SLC25A21: variants seen among roughly 807,000 people sequenced by gnomAD.
SLC25A21 encodes solute carrier family 25 member 21, also known as mitochondrial 2-oxodicarboxylate carrier.
Under a neutral mutation model 43.8 loss-of-function variants are expected in SLC25A21, and 47 were observed. The ratio of observed to expected loss-of-function variants is 1.07; its 90% CI spans 0.85 to 1.37. The LOEUF is 1.37. Ranked by LOEUF, SLC25A21 falls within the 40% of genes most tolerant of loss-of-function variation. The probability of loss-of-function intolerance (pLI) is 0.00; values close to 1 mark genes in which losing one functional copy is unlikely to be tolerated. For missense variants in SLC25A21, 352 were observed against 350.2 expected (o/e 1.00, Z -0.04); for synonymous variants, 131 against 121.3 (o/e 1.08, Z -0.52).
intron 1 of SLC25A21, among the ~76,000 whole-genome samples, chr14:37,066,246 T>A (rs1401204623): frequency 6.6e-6 from 1 of 152,142 alleles, no homozygotes; most frequent in Non-Finnish European, 1.5e-5. Flanking sequence ...AAACCCCCTA[T>A]TAGGAATATT....
chr14:36,871,063 CAG>C (rs1421760859), intron 2 of SLC25A21: 2 of 152,296 alleles, frequency 1.3e-5, no homozygotes, highest in Admixed American at 1.3e-4. Flanking sequence ...CGTGTTCAAA[CAG>C]AGCTTCTTTC....
intron 1 of SLC25A21, among the ~76,000 whole-genome samples, chr14:37,095,644 G>C (rs1594790295): frequency 6.6e-6 from 1 of 152,074 alleles, no homozygotes; most frequent in African/African-American, 2.4e-5. Flanking sequence ...CCAGCACTTT[G>C]GGAGGCTGAA....
At chr14:36,720,356 T>C (rs1173930958) in intron 6 of SLC25A21, among the ~76,000 whole-genome samples, 3 of 152,156 alleles carry the variant, frequency 2.0e-5, no homozygotes, top group Non-Finnish European at 4.4e-5. Context: ...GCTGAAGAAA[T>C]AGGAAAACCC....
rs148203244 is a variant in SLC25A21, at chr14:36,898,118, C to T, written c.71-23114G>A. On this transcript the variant is annotated intron_variant, in intron 1 of 9. Transcript: ENST00000331299. ...TTCTGCTGCATTTTGTTTCACTATG[C>T]CCTGCCCCTAGAGGTGGAGTCTACA... 1.5e-3 allele frequency among the ~76,000 whole-genome samples: 228 copies of T among 152,278 alleles called. 8 individuals are homozygous for T. The East Asian group carries it at 0.042, about 28-fold the overall frequency.
chr14:36,686,578 AAT>A (rs1882555913), intron 7 of SLC25A21, among the ~76,000 whole-genome samples: 5 of 152,332 alleles, frequency 3.3e-5, no homozygotes, highest in African/African-American at 9.6e-5. Flanking sequence ...TAAAAACAAT[AAT>A]ATAAGTAAAA....
intron 1 of SLC25A21, among the ~76,000 whole-genome samples, chr14:36,969,074 A>G (rs1316644021): frequency 6.6e-6 from 1 of 152,198 alleles, no homozygotes; most frequent in Non-Finnish European, 1.5e-5. Flanking sequence ...AGAAATAAGC[A>G]CTTTGGAAAT....
At chr14:37,130,038 G>A (rs1963365834) in intron 1 of SLC25A21, among the ~76,000 whole-genome samples, 2 of 149,544 alleles carry the variant, frequency 1.3e-5, no homozygotes, top group South Asian at 4.3e-4. Context: ...AATCACTTGA[G>A]GCCAGGAGTT....
chr14:37,073,563 T>C lies in SLC25A21; in HGVS notation c.70+98718A>G, dbSNP rs191346967. ...CCTGTGCCAAGTAAAATCTGTATTATGCTTTTCTGCTATTAATCTATTTTA... is the reference window on the plus strand; with the variant it reads ...CCTGTGCCAAGTAAAATCTGTATTACGCTTTTCTGCTATTAATCTATTTTA... On this transcript the variant is annotated intron_variant, in intron 1 of 9. Coordinates refer to ENST00000331299, the MANE Select transcript of SLC25A21 (RefSeq NM_030631.4). 2.6e-3 allele frequency among the ~76,000 whole-genome samples: 402 copies of C among 152,300 alleles called. 1 individual carries two copies. The highest frequency in any genetic ancestry group is 0.01 in the Middle Eastern group (3 of 294).
At chr14:37,028,205 A>C (rs1961134934) in intron 1 of SLC25A21, among the ~76,000 whole-genome samples, 1 of 152,146 alleles carries the variant, frequency 6.6e-6, no homozygotes, top group African/African-American at 2.4e-5. Context: ...CTTACAGTGT[A>C]AATCTTTTTT....
chr14:37,080,035 T>A (rs1199648728), intron 1 of SLC25A21, among the ~76,000 whole-genome samples: 1 of 152,126 alleles, frequency 6.6e-6, no homozygotes, highest in Non-Finnish European at 1.5e-5. Flanking sequence ...AGAAGGTCCA[T>A]ACCAGACACC....
chr14:37,089,759 C>T (rs962346523), intron 1 of SLC25A21, among the ~76,000 whole-genome samples: 10 of 152,076 alleles, frequency 6.6e-5, no homozygotes, highest in East Asian at 3.9e-4. Context: ...CCTATGATGA[C>T]GGAGATAACT....
chr14:36,798,931 A>AG (rs1887771360), intron 3 of SLC25A21, among the ~76,000 whole-genome samples: 7 of 152,068 alleles, frequency 4.6e-5, no homozygotes, highest in Admixed American at 1.3e-4. Flanking sequence ...AGAGAGAGAG[A>AG]AAGAGAAATT....
At chr14:37,017,837 G>A (rs1016590648) in intron 1 of SLC25A21, among the ~76,000 whole-genome samples, 3 of 152,000 alleles carry the variant, frequency 2.0e-5, no homozygotes, top group South Asian at 2.1e-4. Context: ...ATAACACTAA[G>A]ATAATATTTT....
intron 3 of SLC25A21, among the ~76,000 whole-genome samples, chr14:36,811,079 G>A (rs1888246149): frequency 6.6e-6 from 1 of 152,100 alleles, no homozygotes; most frequent in Admixed American, 6.5e-5. Flanking sequence ...GAGCATGTGA[G>A]AGACCAGAGT....
chr14:36,850,963 T>C (rs1889714975), intron 2 of SLC25A21, among the ~76,000 whole-genome samples: 2 of 152,228 alleles, frequency 1.3e-5, no homozygotes, highest in Non-Finnish European at 2.9e-5. Flanking sequence ...CTGCAAATGT[T>C]AGTCCTGGAA....
intron 1 of SLC25A21, among the ~76,000 whole-genome samples, chr14:36,888,538 T>C (rs1890988521): frequency 6.6e-6 from 1 of 151,912 alleles, no homozygotes; most frequent in Non-Finnish European, 1.5e-5. Flanking sequence ...TATTCATATA[T>C]ATGTTATATA....
chr14:36,852,652 T>A (rs922344911), intron 2 of SLC25A21, among the ~76,000 whole-genome samples: 1 of 152,166 alleles, frequency 6.6e-6, no homozygotes, highest in African/African-American at 2.4e-5. Flanking sequence ...TATTGGCGTG[T>A]GTGTATGTGT....
At position 36,960,908 on chromosome 14, in the gene SLC25A21, G is replaced by T. The variant is rs117660234; in HGVS notation, c.71-85904C>A. Among the ~76,000 whole-genome samples, 224 of 152,306 alleles carry T rather than the reference G, an allele frequency of 1.5e-3. 2 individuals carry two copies. The East Asian group carries it at 0.034, about 23-fold the overall frequency. On this transcript the variant is annotated intron_variant, in intron 1 of 9. Transcript: ENST00000331299. Reference sequence around the variant, plus strand: ...TGCTTTTTGCCAATAATCAGAAATAGGAAAGTGCACACAGTATGCACAATG... The same window carrying T: ...TGCTTTTTGCCAATAATCAGAAATATGAAAGTGCACACAGTATGCACAATG...
intron 2 of SLC25A21, among the ~76,000 whole-genome samples, chr14:36,824,938 T>A (rs745992653): frequency 6.6e-6 from 1 of 152,022 alleles, no homozygotes; most frequent in Non-Finnish European, 1.5e-5. Flanking sequence ...GATCTTCCCT[T>A]AGGGGAGAAG....
Sources: allele counts gnomAD v4.1 joint callset (sites outside exome capture counted in the v4.1 genomes callset), GRCh38; gene constraint gnomAD v4.1.1; transcripts MANE v1.5; gene names NCBI Gene and HGNC (gene_info 2026-07-23, HGNC 2026-07-21).